Variants in ALDH3A2 observed in about 807,000 individuals in gnomAD.
ALDH3A2 encodes the protein aldehyde dehydrogenase family 3 member A2.
In ALDH3A2, 36 loss-of-function variants were observed where a neutral mutation model predicts 51.3. That is an observed-to-expected ratio of 0.70 (90% CI 0.54 to 0.93). The LOEUF is 0.93. Among genes scored for constraint, ALDH3A2 ranks in the 40% least tolerant of loss-of-function variants. The probability of loss-of-function intolerance (pLI) is 0.00; values close to 1 mark genes in which losing one functional copy is unlikely to be tolerated. For synonymous variants in ALDH3A2, 199 were observed against 219.8 expected (o/e 0.91, Z 0.84); for missense variants, 552 against 603.1 (o/e 0.92, Z 0.89).
intron 1 of ALDH3A2, among the ~76,000 whole-genome samples, chr17:19,650,696 G>A (rs1049899215): frequency 3.3e-5 from 5 of 151,722 alleles, no homozygotes; most frequent in Non-Finnish European, 4.4e-5. Flanking sequence ...CTTGTGATCC[G>A]CCCGCCTCAG....
chr17:19,656,545 T>C lies in ALDH3A2; in HGVS notation c.651T>C (p.Asp217=). The part of the protein sequence containing the change: ...ELGGKSPCYI[D]KDCDLDIVCR... Reference sequence around the variant, plus strand: ...GAGGGAAAAGTCCATGTTATATTGATAAAGATTGTGACCTGGACATTGTTT... The same window carrying C: ...GAGGGAAAAGTCCATGTTATATTGACAAAGATTGTGACCTGGACATTGTTT... The change falls in exon 4 of 10, where the codon GAT becomes GAC. Residue 217 remains aspartate, a synonymous_variant. Coordinates refer to ENST00000176643, the MANE Select transcript of ALDH3A2 (RefSeq NM_000382.3). The C allele has an allele frequency of 1.9e-6, 3 of 1,613,796 alleles. No individual in the cohort carries two copies. Among genetic ancestry groups the C allele is most frequent in the East Asian group, 2.2e-5 (1 of 44,878 alleles).
chr17:19,660,981 T>C, intron 5 of ALDH3A2, 146 bp from the exon 6 acceptor site: 1 of 789,586 alleles, frequency 1.3e-6, no homozygotes, highest in Non-Finnish European at 2.1e-6. Flanking sequence ...ACTATCATAC[T>C]ACTGTTAAAT....
At chr17:19,657,529 C>G (rs1448402071) in intron 4 of ALDH3A2, among the ~76,000 whole-genome samples, 3 of 152,210 alleles carry the variant, frequency 2.0e-5, no homozygotes, top group Non-Finnish European at 2.9e-5. Context: ...GGCCTGAGAA[C>G]TTCCCTGCTA....
At chr17:19,653,590 G>C (rs1200627343) in intron 3 of ALDH3A2, among the ~76,000 whole-genome samples, 2 of 151,682 alleles carry the variant, frequency 1.3e-5, no homozygotes, top group Non-Finnish European at 2.9e-5. Flanking sequence ...AGTTCCTCCT[G>C]TCTGGAGTTG....
At chr17:19,663,548 C>G (rs2084996930) in intron 7 of ALDH3A2, 49 bp downstream of exon 7, 1 of 1,588,370 alleles carries the variant, frequency 6.3e-7, no homozygotes, top group African/African-American at 1.3e-5. Context: ...TGTCAAGAGT[C>G]ATGTTCCTTC....
At chr17:19,669,080 C>T (rs777456865) in intron 8 of ALDH3A2, among the ~76,000 whole-genome samples, 16 of 151,370 alleles carry the variant, frequency 1.1e-4, no homozygotes, top group African/African-American at 2.2e-4. Flanking sequence ...GTAGATCACC[C>T]GAGGTCAGAA....
At position 19,649,118 on chromosome 17, in the gene ALDH3A2, G is replaced by A. The variant is rs2084778727; in HGVS notation, c.147G>A (p.Leu49=). The A allele has an allele frequency of 6.4e-7, 1 of 1,571,476 alleles. No individual in the cohort carries two copies. The highest frequency in any genetic ancestry group is 8.6e-7 in the Non-Finnish European group (1 of 1,158,326). ...KDILTAIAAD[L]CKSEFNVYSQ... is the part of the protein sequence containing the mutation. ...TCCTGACGGCCATCGCCGCCGACCTGTGCAAGGTACGCACGCGTGCGGCGG... is the reference window on the plus strand; with the variant it reads ...TCCTGACGGCCATCGCCGCCGACCTATGCAAGGTACGCACGCGTGCGGCGG... Residue 49 remains leucine, a synonymous_variant, in exon 1 of 10, where the codon CTG becomes CTA. Transcript: ENST00000176643.
chr17:19,665,305 G>T (rs1427531497), intron 8 of ALDH3A2, among the ~76,000 whole-genome samples: 1 of 151,510 alleles, frequency 6.6e-6, no homozygotes, highest in Non-Finnish European at 1.5e-5. Flanking sequence ...CGTTGATTTT[G>T]TTATCCTGCC....
intron 3 of ALDH3A2, among the ~76,000 whole-genome samples, chr17:19,652,933 T>C (rs2080422243): frequency 6.6e-6 from 1 of 152,200 alleles, no homozygotes; most frequent in Non-Finnish European, 1.5e-5. Context: ...GGTGTTTTCA[T>C]TTAATGGATT....
At chr17:19,652,691 A>G in intron 3 of ALDH3A2, 59 bp downstream of exon 3, 1 of 1,404,420 alleles carries the variant, frequency 7.1e-7, no homozygotes, top group South Asian at 1.2e-5. Flanking sequence ...CACACATTTT[A>G]TTTTCTTGCT....
Position 19,654,331 on chromosome 17 carries a change from C to T in ALDH3A2, c.471+1699C>T, listed in dbSNP as rs895943034. 2.6e-5 allele frequency among the ~76,000 whole-genome samples: 4 copies of T among 152,258 alleles called. No homozygotes were observed. Among genetic ancestry groups the T allele is most frequent in the Admixed American group, 6.5e-5 (1 of 15,288 alleles). Reference sequence around the variant, plus strand: ...GCGCCTGCACCCCTCAGCCCTTGGGCGGTCGATGGGACTGGGCGCTGTGGA... The same window carrying T: ...GCGCCTGCACCCCTCAGCCCTTGGGTGGTCGATGGGACTGGGCGCTGTGGA... On this transcript the variant is annotated intron_variant, in intron 3 of 9. Coordinates refer to ENST00000176643, the MANE Select transcript of ALDH3A2 (RefSeq NM_000382.3). The surrounding 1 kb of genome is among the most constrained non-coding windows in gnomAD (Gnocchi z 4.5).
Position 19,675,594 on chromosome 17 carries a change from C to CTAG in ALDH3A2, c.*24_*26dup. 2.5e-6 allele frequency: 4 copies of CTAG among 1,607,204 alleles called. No homozygotes were observed. Among genetic ancestry groups the CTAG allele is most frequent in the South Asian group, 2.2e-5 (2 of 90,902 alleles). ...CTGAAGAATGATCCTGTTCAACCTC[C>CTAG]TAGTGCCTCTACTGAATTATTCCTC... On this transcript the variant is annotated 3_prime_UTR_variant, in exon 10 of 10. Transcript: ENST00000176643.
intron 3 of ALDH3A2, chr17:19,655,460 C>G (rs149506573): frequency 7.9e-5 from 12 of 152,318 alleles, no homozygotes; most frequent in African/African-American, 2.9e-4. Flanking sequence ...GATAATAATG[C>G]TCTACCAGCT....
chr17:19,663,298 A>C, intron 6 of ALDH3A2, 35 bp from the exon 7 acceptor site: 1 of 1,608,486 alleles, frequency 6.2e-7, no homozygotes, highest in Non-Finnish European at 8.5e-7. Flanking sequence ...ATTTTTGTCT[A>C]ATAAGCATTT....
At chr17:19,662,243 C>G (rs187362742) in intron 6 of ALDH3A2, among the ~76,000 whole-genome samples, 1 of 152,116 alleles carries the variant, frequency 6.6e-6, no homozygotes, top group African/African-American at 2.4e-5. Context: ...CCCCTGACTT[C>G]GAGCTGGGAT....
In ALDH3A2 at chr17:19,661,263, A is replaced by G; in HGVS notation, c.935A>G (p.Tyr312Cys). ...FGGETDEATR[Y>C]IAPTVLTDVD... ...GGGGAGACTGATGAGGCCACACGCTACATAGGTAATGGAAATTCTCCTTTT... is the reference window on the plus strand; with the variant it reads ...GGGGAGACTGATGAGGCCACACGCTGCATAGGTAATGGAAATTCTCCTTTT... The change falls in exon 6 of 10, where the codon TAC becomes TGC. Residue 312 changes from tyrosine to cysteine, a missense_variant. Physicochemically the swap from Tyr to Cys is radical, Grantham distance 194 (BLOSUM62 -2). Coordinates refer to ENST00000176643, the MANE Select transcript of ALDH3A2 (RefSeq NM_000382.3). The G allele has an allele frequency of 2.5e-6, 4 of 1,614,186 alleles. No homozygotes were observed. Among genetic ancestry groups the G allele is most frequent in the Non-Finnish European group, 3.4e-6 (4 of 1,180,026 alleles).
Position 19,656,375 on chromosome 17 carries a change from A to G in ALDH3A2, c.481A>G (p.Ile161Val), listed in dbSNP as rs761049258. The change falls in exon 4 of 10, where the codon ATT becomes GTT. Residue 161 changes from isoleucine (I) to valine (V), a missense_variant. Physicochemically the swap from Ile to Val is conservative, Grantham distance 29 (BLOSUM62 3). Coordinates refer to ENST00000176643, the MANE Select transcript of ALDH3A2 (RefSeq NM_000382.3). ...LPQYLDQDLY[I>V]VINGGVEETT... is the part of the protein sequence containing the mutation. ...TTTCTCTTTCTTTGAGGATCTCTATATTGTTATTAATGGTGGTGTTGAGGA... is the reference window on the plus strand; with the variant it reads ...TTTCTCTTTCTTTGAGGATCTCTATGTTGTTATTAATGGTGGTGTTGAGGA... The G allele has an allele frequency of 1.9e-6, 3 of 1,613,630 alleles. No individual in the cohort carries two copies. Among genetic ancestry groups the G allele is most frequent in the Non-Finnish European group, 2.5e-6 (3 of 1,179,602 alleles).
intron 5 of ALDH3A2, among the ~76,000 whole-genome samples, chr17:19,659,043 C>T (rs1393198203): frequency 6.6e-6 from 1 of 151,756 alleles, no homozygotes; most frequent in East Asian, 1.9e-4. Context: ...ACCAGTTTGG[C>T]CAACATGGCA....
At chr17:19,655,191 A>T (rs1482051808) in intron 3 of ALDH3A2, 2 of 152,220 alleles carry the variant, frequency 1.3e-5, no homozygotes, top group Non-Finnish European at 2.9e-5. Context: ...AATACAGCTT[A>T]AAAATATCTT....
Sources: gnomAD v4.1 joint callset for allele counts (sites outside exome capture counted in the v4.1 genomes callset) on GRCh38, gnomAD v4.1.1 for gene constraint, Gnocchi (gnomAD v3.1) non-coding constraint, MANE v1.5 for transcripts, NCBI Gene and HGNC (gene_info 2026-07-23, HGNC 2026-07-21) for gene names.